The following ADAMTS6 variants were observed in gnomAD, a reference collection of about 807,000 sequenced individuals.
ADAMTS6 encodes the protein ADAM metallopeptidase with thrombospondin type 1 motif 6, also known as A disintegrin and metalloproteinase with thrombospondin motifs 6.
Under a neutral mutation model 144.3 loss-of-function variants are expected in ADAMTS6, and 23 were observed. That is an observed-to-expected ratio of 0.16 (90% confidence interval 0.11 to 0.23). The LOEUF (loss-of-function observed/expected upper bound fraction) is 0.23. ADAMTS6 is among the 10% of genes least tolerant of loss of function. ADAMTS6 has a pLI of 1.00. For missense variants in ADAMTS6, 999 were observed against 1,379.6 expected (o/e 0.72, Z 4.37); for synonymous variants, 444 against 457.5 (o/e 0.97, Z 0.38).
At chr5:65,327,181 T>A (rs1746252058) in intron 9 of ADAMTS6, among the ~76,000 whole-genome samples, 1 of 152,168 alleles carries the variant, frequency 6.6e-6, no homozygotes, top group African/African-American at 2.4e-5. Flanking sequence ...CACTGGCTCC[T>A]GCTTTGCCTT....
intron 16 of ADAMTS6, 65 bp downstream of exon 16, chr5:65,226,021 G>C: frequency 6.6e-7 from 1 of 1,505,996 alleles, no homozygotes; most frequent in Non-Finnish European, 8.9e-7. Flanking sequence ...GTATTAAATA[G>C]GAGTTAATGA....
intron 7 of ADAMTS6, among the ~76,000 whole-genome samples, chr5:65,403,723 G>A (rs976921949): frequency 1.3e-5 from 2 of 152,002 alleles, no homozygotes; most frequent in Non-Finnish European, 2.9e-5. Flanking sequence ...AAGTTACCAC[G>A]TAAAAAAGTT....
chr5:65,381,157 T>C (rs1284972039), intron 7 of ADAMTS6, among the ~76,000 whole-genome samples: 1 of 152,206 alleles, frequency 6.6e-6, no homozygotes, highest in Non-Finnish European at 1.5e-5. Context: ...ATATACTAAA[T>C]GATTCTCTCT....
At chr5:65,191,019 T>C (rs1754986946) in intron 21 of ADAMTS6, among the ~76,000 whole-genome samples, 1 of 152,108 alleles carries the variant, frequency 6.6e-6, no homozygotes, top group African/African-American at 2.4e-5. Context: ...TTTCTCTGTC[T>C]TCTTTCCCTC....
At chr5:65,380,170 G>A (rs1025448098) in intron 7 of ADAMTS6, among the ~76,000 whole-genome samples, 2 of 151,970 alleles carry the variant, frequency 1.3e-5, no homozygotes, top group Admixed American at 1.3e-4. Flanking sequence ...TGAGAATGCT[G>A]TATAGGTTCT....
At chr5:65,410,470 C>T (rs764078469) in intron 7 of ADAMTS6, among the ~76,000 whole-genome samples, 18 of 152,040 alleles carry the variant, frequency 1.2e-4, no homozygotes, top group Non-Finnish European at 2.1e-4. Flanking sequence ...CATTATGGAA[C>T]AGCTAAATCA....
chr5:65,313,128 A>AACACAC (rs61525269), intron 9 of ADAMTS6, among the ~76,000 whole-genome samples: 1,901 of 135,812 alleles, frequency 0.014, 22 homozygotes, highest in East Asian at 0.031. Flanking sequence ...TTATTTCTGC[A>AACACAC]ACACACACAC....
chr5:65,298,273 T>C (rs1743037529), intron 10 of ADAMTS6, among the ~76,000 whole-genome samples: 1 of 151,078 alleles, frequency 6.6e-6, no homozygotes, highest in Middle Eastern at 3.4e-3. Flanking sequence ...AGACACAAGA[T>C]AAAAGAGAAA....
intron 1 of ADAMTS6, among the ~76,000 whole-genome samples, chr5:65,475,724 T>G (rs927510804): frequency 2.0e-5 from 3 of 151,954 alleles, no homozygotes; most frequent in African/African-American, 7.3e-5. Flanking sequence ...CAGAAAAAAA[T>G]GGGAAATAGT....
At chr5:65,436,448 A>G (rs1191628260) in intron 7 of ADAMTS6, among the ~76,000 whole-genome samples, 1 of 152,232 alleles carries the variant, frequency 6.6e-6, no homozygotes, top group Non-Finnish European at 1.5e-5. Context: ...TAAAATTAAA[A>G]GAACCTTGAA....
chr5:65,463,668 T>C (rs1417255662), intron 3 of ADAMTS6, among the ~76,000 whole-genome samples: 2 of 152,176 alleles, frequency 1.3e-5, no homozygotes, highest in African/African-American at 4.8e-5. Flanking sequence ...ATTATGTACA[T>C]CTTGTTTTCT....
chr5:65,347,964 C>T (rs1000432595), intron 7 of ADAMTS6, among the ~76,000 whole-genome samples: 1 of 152,028 alleles, frequency 6.6e-6, no homozygotes, highest in African/African-American at 2.4e-5. Flanking sequence ...AAATTAAAAC[C>T]ACAATGAGAA....
chr5:65,352,357 T>C (rs1276780948), intron 7 of ADAMTS6, among the ~76,000 whole-genome samples: 1 of 152,006 alleles, frequency 6.6e-6, no homozygotes, highest in Admixed American at 6.6e-5. Flanking sequence ...CAAAAACTAG[T>C]GGTAAAAATC....
intron 7 of ADAMTS6, among the ~76,000 whole-genome samples, chr5:65,436,597 A>G (rs1196198044): frequency 6.6e-6 from 1 of 152,130 alleles, no homozygotes; most frequent in Non-Finnish European, 1.5e-5. Context: ...ATACTTTGGG[A>G]GGCCGAGGTG....
chr5:65,243,268 A>T (rs780668381), intron 14 of ADAMTS6, among the ~76,000 whole-genome samples: 2 of 152,008 alleles, frequency 1.3e-5, no homozygotes, highest in African/African-American at 2.4e-5. Flanking sequence ...GCTTTTTACT[A>T]CCCTCCCTTA....
At chr5:65,194,024 A>G (rs926944644) in intron 21 of ADAMTS6, among the ~76,000 whole-genome samples, 2 of 152,318 alleles carry the variant, frequency 1.3e-5, no homozygotes, top group Admixed American at 6.5e-5. Context: ...ACAGTGGTTT[A>G]TAGGTTTTTT....
intron 7 of ADAMTS6, among the ~76,000 whole-genome samples, chr5:65,350,471 C>T (rs2150088418): frequency 6.6e-6 from 1 of 152,246 alleles, no homozygotes. Flanking sequence ...AGCGGTAGCA[C>T]AGAGAACTAG....
chr5:65,177,705 A>C lies in ADAMTS6; in HGVS notation c.2911-4697T>G, dbSNP rs563903581. On this transcript the variant is annotated intron_variant, in intron 22 of 24. Coordinates refer to ENST00000381055, the MANE Select transcript of ADAMTS6 (RefSeq NM_197941.4). ...TTAAAGACTTAAAACAAACTTTGGC[A>C]ATTAAAACAGGATACCAAGATGCAA... Among the ~76,000 whole-genome samples, 3 of 150,398 alleles carry C rather than the reference A, an allele frequency of 2.0e-5. No homozygotes were observed. The South Asian group carries it at 6.3e-4, about 31-fold the overall frequency.
chr5:65,341,826 T>G (rs543521811), intron 7 of ADAMTS6, among the ~76,000 whole-genome samples: 1 of 152,262 alleles, frequency 6.6e-6, no homozygotes, highest in African/African-American at 2.4e-5. Flanking sequence ...GAGAGAAATC[T>G]TTCCTAACTC....
Sources: gnomAD v4.1 joint callset for allele counts (sites outside exome capture counted in the v4.1 genomes callset) on GRCh38, gnomAD v4.1.1 for gene constraint, MANE v1.5 for transcripts, NCBI Gene and HGNC (gene_info 2026-07-23, HGNC 2026-07-21) for gene names.